Variants in NEMF observed in about 807,000 individuals in gnomAD.
The protein encoded by NEMF is ribosome quality control complex subunit NEMF.
A neutral mutation model predicts 162.2 loss-of-function variants in NEMF; 89 were observed. The ratio of observed to expected loss-of-function variants is 0.55; its 90% CI spans 0.46 to 0.65. The LOEUF (loss-of-function observed/expected upper bound fraction) is 0.65, where lower values mean the gene tolerates loss of function less well. Ranked by LOEUF, NEMF falls within the 30% of genes least tolerant of loss-of-function variation. The pLI, the probability that NEMF is intolerant of heterozygous loss-of-function variation, is 0.00. For synonymous variants in NEMF, 421 were observed against 404.5 expected, an observed-to-expected ratio of 1.04 and a Z score of -0.49; for missense variants, 1,133 against 1,261.9, an observed-to-expected ratio of 0.90 and a Z score of 1.55.
chr14:49,834,592 C>T (rs1221892647), intron 6 of NEMF, 143 bp from the exon 7 acceptor site: 1 of 554,442 alleles, frequency 1.8e-6, no homozygotes, highest in Non-Finnish European at 3.3e-6. Context: ...CCTCCCACCT[C>T]CTGCCTCAGC....
At position 49,782,615 on chromosome 14, in the gene NEMF, C is replaced by CACTT. The variant is rs1889958210; in HGVS notation, c.*2017_*2020dup. The CACTT allele has an allele frequency of 6.4e-7, 1 of 1,566,972 alleles. No individual in the cohort carries two copies. Among genetic ancestry groups the CACTT allele is most frequent in the Non-Finnish European group, 8.7e-7 (1 of 1,148,816 alleles). ...GTACGGTAAGTAACTTTGTACTTGG[C>CACTT]ACTTAGATTATTTAAAATTGTGTTT... On this transcript the variant is annotated 3_prime_UTR_variant, in exon 33 of 33. Transcript: ENST00000298310.
chr14:49,830,695 T>C (rs1395331424), intron 11 of NEMF, among the ~76,000 whole-genome samples: 1 of 152,264 alleles, frequency 6.6e-6, no homozygotes, highest in Non-Finnish European at 1.5e-5. Context: ...CTCAAATAAT[T>C]TGAAATTTTT....
At chr14:49,792,988 C>A (rs1890525548) in intron 26 of NEMF, among the ~76,000 whole-genome samples, 1 of 152,102 alleles carries the variant, frequency 6.6e-6, no homozygotes, top group African/African-American at 2.4e-5. Flanking sequence ...CTCAAAAAAA[C>A]AAACAAAAAG....
chr14:49,789,038 AG>A lies in NEMF; in HGVS notation c.2895+107del, dbSNP rs1594721865. On this transcript the variant is annotated intron_variant, in intron 28 of 32. Coordinates refer to ENST00000298310, the MANE Select transcript of NEMF (RefSeq NM_004713.6). ...TTCTGGATGACATTCCATTAAGAAT[AG>A]GGTTACTCACTTGTCTTGGTTTTAG... The A allele has an allele frequency of 3.3e-5, 26 of 798,744 alleles. No homozygotes were observed. In the East Asian group the frequency reaches 5.9e-4, roughly 18 times the overall value. 49.5% of individuals were successfully genotyped at this position (798,744 alleles called of 1,614,324 possible).
At chr14:49,826,819 A>G (rs1892373588) in intron 15 of NEMF, among the ~76,000 whole-genome samples, 1 of 152,176 alleles carries the variant, frequency 6.6e-6, no homozygotes. Context: ...GTGTTTTTCA[A>G]GAAGAAAATA....
At chr14:49,846,061 C>G in intron 4 of NEMF, 79 bp downstream of exon 4, 1 of 1,222,822 alleles carries the variant, frequency 8.2e-7, no homozygotes, top group South Asian at 1.5e-5. Flanking sequence ...AAAATGTTCC[C>G]CCACTCATGT....
In NEMF at chr14:49,782,308, T is replaced by C; in HGVS notation, c.*2328A>G. ...GTCTTTATTTCATAGCTCTATTCTGTAGTATAAAATGGCCAACTGGTGTTC... is the reference window on the plus strand; with the variant it reads ...GTCTTTATTTCATAGCTCTATTCTGCAGTATAAAATGGCCAACTGGTGTTC... On this transcript the variant is annotated 3_prime_UTR_variant, in exon 33 of 33. Transcript: ENST00000298310. 1.0e-6 allele frequency: 1 copy of C among 999,910 alleles called. No individual in the cohort carries two copies. The highest frequency in any genetic ancestry group is 1.6e-6 in the Non-Finnish European group (1 of 640,698). The allele number at this position is 999,910 out of a possible 1,614,324, so 61.9% of individuals were successfully genotyped here.
In NEMF at chr14:49,789,588, G is replaced by T. The variant is rs1052799070; in HGVS notation, c.2620-15C>A. ...TTCATTTTACTCTACAAAATCAGAA[G>T]ATTTTGGTTGGAAATATTCAGCAGC... On this transcript the variant is annotated splice_polypyrimidine_tract_variant and intron_variant, in intron 26 of 32. Transcript: ENST00000298310. 1.2e-6 allele frequency: 2 copies of T among 1,600,936 alleles called. No homozygotes were observed. The highest frequency in any genetic ancestry group is 1.7e-6 in the Non-Finnish European group (2 of 1,177,292).
intron 23 of NEMF, 102 bp from the exon 24 acceptor site, chr14:49,799,780 C>A: frequency 2.0e-6 from 2 of 981,844 alleles, no homozygotes; most frequent in South Asian, 1.6e-5. Context: ...ACTGGCAATC[C>A]AACAAATTTT....
intron 16 of NEMF, among the ~76,000 whole-genome samples, chr14:49,815,408 G>A (rs779589064): frequency 5.9e-5 from 9 of 152,224 alleles, no homozygotes; most frequent in Non-Finnish European, 1.2e-4. Flanking sequence ...AAAAAGTACA[G>A]AGTATATTAT....
intron 6 of NEMF, among the ~76,000 whole-genome samples, chr14:49,837,801 T>C (rs1202914418): frequency 3.0e-5 from 4 of 134,522 alleles, no homozygotes; most frequent in Admixed American, 2.5e-4. Flanking sequence ...TGGGATGCCC[T>C]GAGACCCACC....
Position 49,799,339 on chromosome 14 carries a change from C to T in NEMF, c.2465+136G>A, listed in dbSNP as rs940622772. The T allele has an allele frequency of 8.8e-6, 5 of 566,770 alleles. 1 individual carries two copies. The highest frequency in any genetic ancestry group is 1.4e-5 in the Non-Finnish European group (5 of 355,414). 35.1% of individuals were successfully genotyped at this position (566,770 alleles called of 1,614,324 possible). ...ATGTATTAGAGCTTAATATTAAAAA[C>T]TAAACATTTGTGCTAAATCTTGGTA... On this transcript the variant is annotated intron_variant, in intron 25 of 32. Transcript: ENST00000298310.
chr14:49,828,661 A>G lies in NEMF; in HGVS notation c.1379T>C (p.Leu460Pro). ...TGACAAGCTGAGATCAACATCTACA[A>G]GTAAGGGCTTATTTTTCTGAGGCTT... ...LQKPQKNKPL[L>P]VDVDLSLSAY... Residue 460 changes from leucine to proline, a missense_variant, in exon 14 of 33, where the codon CTT becomes CCT. This residue lies in a region of NEMF where 582 missense variants were observed against 631.5 expected (regional missense o/e 0.92). Coordinates refer to ENST00000298310, the MANE Select transcript of NEMF (RefSeq NM_004713.6). 1 of 1,595,530 alleles carries G rather than the reference A, an allele frequency of 6.3e-7. No individual in the cohort carries two copies. The highest frequency in any genetic ancestry group is 8.5e-7 in the Non-Finnish European group (1 of 1,175,484).
intron 6 of NEMF, among the ~76,000 whole-genome samples, chr14:49,837,744 AT>A (rs1428427663): frequency 1.3e-5 from 2 of 148,874 alleles, no homozygotes; most frequent in African/African-American, 4.9e-5. Flanking sequence ...ATAAAAGTGT[AT>A]TGGGATCAAA....
intron 3 of NEMF, among the ~76,000 whole-genome samples, chr14:49,849,939 G>A (rs35528205): frequency 2.6e-5 from 4 of 152,004 alleles, no homozygotes; most frequent in African/African-American, 9.7e-5. Context: ...TACCTAATTT[G>A]TAATCCAAAA....
chr14:49,828,260 A>G lies in NEMF; in HGVS notation c.1488+31T>C, dbSNP rs894835569. 3.4e-6 allele frequency: 5 copies of G among 1,470,550 alleles called. No individual in the cohort carries two copies. In the African/African-American group the frequency reaches 6.9e-5, roughly 20 times the overall value. The allele number at this position is 1,470,550 out of a possible 1,614,324, so 91.1% of individuals were successfully genotyped here. ...CCATTAAATTACGCAGGCACAAACA[A>G]CTAACATTCACTCTAAGAAATACTC... On this transcript the variant is annotated intron_variant, in intron 15 of 32. Transcript: ENST00000298310.
At position 49,829,137 on chromosome 14, in the gene NEMF, T is replaced by C. The variant is rs1438050117; in HGVS notation, c.1149A>G (p.Lys383=). 6 of 1,614,196 alleles carry C rather than the reference T, an allele frequency of 3.7e-6. No homozygotes were observed. The highest frequency in any genetic ancestry group is 5.1e-6 in the Non-Finnish European group (6 of 1,180,018). ...IDWTEIGLIV[K]EAQAQGDPVA... The stretch of plus-strand genomic sequence containing the variant: ...CAGGGTCTCCTTGAGCCTGGGCTTC[T>C]TTCACAATTAACCCAATTTCTGTCC... The change falls in exon 13 of 33, where the codon AAA becomes AAG. Residue 383 remains lysine (K), a synonymous_variant. Coordinates refer to ENST00000298310, the MANE Select transcript of NEMF (RefSeq NM_004713.6).
At position 49,832,144 on chromosome 14, in the gene NEMF, T is replaced by A. The variant is rs772059294; in HGVS notation, c.807-18A>T. On this transcript the variant is annotated intron_variant, in intron 9 of 32. Transcript: ENST00000298310. ...CCTCATACCTGTAAAACATATTTAT[T>A]ATATCACATTCGAGAACATTAACAA... The A allele has an allele frequency of 1.3e-6, 2 of 1,598,404 alleles. No individual in the cohort carries two copies. Among genetic ancestry groups the A allele is most frequent in the Non-Finnish European group, 1.7e-6 (2 of 1,171,640 alleles).
chr14:49,851,543 T>C lies in NEMF; in HGVS notation c.231+20A>G, dbSNP rs1362354071. On this transcript the variant is annotated intron_variant, in intron 3 of 32. Coordinates refer to ENST00000298310, the MANE Select transcript of NEMF (RefSeq NM_004713.6). ...AGTGAGCAATCTCTTAAAATTTAGC[T>C]TCAAGCGTAACAAGTTTACCTTCAT... is the stretch of plus-strand genomic sequence containing the variant. 1 of 1,546,248 alleles carries C rather than the reference T, an allele frequency of 6.5e-7. No individual in the cohort carries two copies. The highest frequency in any genetic ancestry group is 8.9e-7 in the Non-Finnish European group (1 of 1,120,388).
Sources: allele counts gnomAD v4.1 joint callset (sites outside exome capture counted in the v4.1 genomes callset), GRCh38; gene constraint gnomAD v4.1.1; regional missense constraint gnomAD v4.1.1; transcripts MANE v1.5; gene names NCBI Gene and HGNC (gene_info 2026-07-23, HGNC 2026-07-21).